Variants in MYEF2 observed in about 807,000 individuals in gnomAD.
MYEF2 encodes myelin expression factor 2, also known as myelin gene expression factor 2.
Under a neutral mutation model 75.2 loss-of-function variants are expected in MYEF2, and 37 were observed. That is an observed-to-expected ratio of 0.49 (90% CI 0.38 to 0.65). The LOEUF is 0.65. MYEF2 is among the 30% of genes least tolerant of loss of function. The probability of loss-of-function intolerance (pLI) is 0.00; values close to 1 mark genes in which losing one functional copy is unlikely to be tolerated. For missense variants in MYEF2, 634 were observed against 771.4 expected (o/e 0.82, Z 2.11); for synonymous variants, 195 against 241.6 (o/e 0.81, Z 1.79).
intron 1 of MYEF2, among the ~76,000 whole-genome samples, chr15:48,175,105 C>G (rs991487971): frequency 6.6e-5 from 10 of 152,110 alleles, no homozygotes; most frequent in Admixed American, 5.9e-4. Flanking sequence ...TTACACAACA[C>G]ATCCACACTG....
chr15:48,152,377 G>A, intron 10 of MYEF2, 93 bp from the exon 11 acceptor site: 2 of 1,052,144 alleles, frequency 1.9e-6, no homozygotes, highest in Non-Finnish European at 2.9e-6. Context: ...GATACCACTG[G>A]TATAACCACA....
intron 1 of MYEF2, among the ~76,000 whole-genome samples, chr15:48,170,825 C>A (rs2040308083): frequency 6.6e-6 from 1 of 152,186 alleles, no homozygotes; most frequent in South Asian, 2.1e-4. Flanking sequence ...ACGGTGACTG[C>A]ATATAACATT....
At chr15:48,151,439 A>T in intron 13 of MYEF2, 34 bp downstream of exon 13, 1 of 1,578,434 alleles carries the variant, frequency 6.3e-7, no homozygotes, top group Admixed American at 1.7e-5. Context: ...TATAGCCTAC[A>T]AAAAGAAAAG....
rs1465030290 is a variant in MYEF2 at position 48,159,754 on chromosome 15, T to C, written c.576A>G (p.Ser192=). 6.2e-7 allele frequency: 1 copy of C among 1,613,486 alleles called. No homozygotes were observed. The highest frequency in any genetic ancestry group is 8.5e-7 in the Non-Finnish European group (1 of 1,179,752). The part of the protein sequence containing the change: ...ARRALQRTGG[S]FPGGHVPDMG... Reference sequence around the variant, plus strand: ...TATCAGGGACGTGTCCTCCTGGAAATGATCCTCCTGTTCGCTGCAATGCCC... The same window carrying C: ...TATCAGGGACGTGTCCTCCTGGAAACGATCCTCCTGTTCGCTGCAATGCCC... The change falls in exon 6 of 17, where the codon TCA becomes TCG. Residue 192 remains serine, a synonymous_variant. Coordinates refer to ENST00000324324, the MANE Select transcript of MYEF2 (RefSeq NM_016132.5).
rs1476827348 is a variant in MYEF2, at chr15:48,168,857, T to C, written c.162-18A>G. 1.3e-6 allele frequency: 2 copies of C among 1,579,280 alleles called. No individual in the cohort carries two copies. The highest frequency in any genetic ancestry group is 4.5e-5 in the East Asian group (2 of 44,620). On this transcript the variant is annotated intron_variant, in intron 1 of 16. Transcript: ENST00000324324. ...CATTCTCCCTGTGAATTAAAAAAAG[T>C]CAAACAAACAAAAACCCTCAGTTGT...
At chr15:48,167,494 A>G in intron 2 of MYEF2, 93 bp from the exon 3 acceptor site, 2 of 1,109,022 alleles carry the variant, frequency 1.8e-6, no homozygotes, top group South Asian at 1.4e-5. Context: ...AACTCTACAG[A>G]GAAGCACCTA....
At chr15:48,173,701 T>A (rs1419039362) in intron 1 of MYEF2, among the ~76,000 whole-genome samples, 1 of 152,022 alleles carries the variant, frequency 6.6e-6, no homozygotes, top group African/African-American at 2.4e-5. Flanking sequence ...ATCTACACAC[T>A]AATAATAATG....
intron 16 of MYEF2, among the ~76,000 whole-genome samples, chr15:48,146,611 C>T (rs2039292529): frequency 6.6e-6 from 1 of 151,878 alleles, no homozygotes; most frequent in African/African-American, 2.4e-5. Context: ...TTGCCAGTGG[C>T]ACCCTTTACT....
At chr15:48,160,561 TA>T (rs1313062191) in intron 5 of MYEF2, among the ~76,000 whole-genome samples, 25 of 145,872 alleles carry the variant, frequency 1.7e-4, no homozygotes, top group Admixed American at 8.2e-4. Context: ...GGTGGAATAC[TA>T]AAAAACAAAA....
At position 48,142,339 on chromosome 15, in the gene MYEF2, C is replaced by T. The variant is rs2052885744; in HGVS notation, c.*569G>A. ...TTATTGGAAATAATAAAATAAGGGG[C>T]TGTGGAGGTTGATATTATTAATAGT... On this transcript the variant is annotated 3_prime_UTR_variant, in exon 17 of 17. Transcript: ENST00000324324. 1.9e-6 allele frequency: 3 copies of T among 1,595,428 alleles called. No individual in the cohort carries two copies. Among genetic ancestry groups the T allele is most frequent in the African/African-American group, 1.4e-5 (1 of 73,950 alleles).
intron 16 of MYEF2, among the ~76,000 whole-genome samples, chr15:48,148,317 A>G (rs2039367389): frequency 6.6e-6 from 1 of 152,034 alleles, no homozygotes; most frequent in Non-Finnish European, 1.5e-5. Context: ...GAATTTAGTC[A>G]ATTAAGATAT....
chr15:48,177,997 G>C (rs1458353448), intron 1 of MYEF2, 80 bp downstream of exon 1: 1 of 1,510,950 alleles, frequency 6.6e-7, no homozygotes, highest in African/African-American at 1.4e-5. Context: ...GTCCCCCATC[G>C]GGGCACAGCC....
intron 1 of MYEF2, among the ~76,000 whole-genome samples, chr15:48,173,093 C>G (rs1246682882): frequency 6.6e-6 from 1 of 152,118 alleles, no homozygotes; most frequent in Non-Finnish European, 1.5e-5. Context: ...TGTGAAAATT[C>G]TCAACAAAAT....
At position 48,139,044 on chromosome 15, in the gene MYEF2, C is replaced by A; in HGVS notation, c.*3864G>T. ...TGGGTATTATCCCTTCCTATTATTA[C>A]ATTACTTTTTCTAACCACACCAGAT... On this transcript the variant is annotated 3_prime_UTR_variant, in exon 17 of 17. Transcript: ENST00000324324. 1 of 1,613,024 alleles carries A rather than the reference C, an allele frequency of 6.2e-7. No individual in the cohort carries two copies. Among genetic ancestry groups the A allele is most frequent in the Non-Finnish European group, 8.5e-7 (1 of 1,179,260 alleles).
In MYEF2 at chr15:48,140,897, A is replaced by G; in HGVS notation, c.*2011T>C. 4.6e-6 allele frequency: 2 copies of G among 434,208 alleles called. No individual in the cohort carries two copies. The highest frequency in any genetic ancestry group is 5.0e-5 in the South Asian group (2 of 40,010). The allele number at this position is 434,208 out of a possible 1,614,324, so 26.9% of individuals were successfully genotyped here. A position where few individuals can be genotyped will look rare whatever the true frequency, so the allele number is the denominator to read the frequency against. On this transcript the variant is annotated 3_prime_UTR_variant, in exon 17 of 17. Coordinates refer to ENST00000324324, the MANE Select transcript of MYEF2 (RefSeq NM_016132.5). ...AATTTTAGCTGTTACGTATCTTTAG[A>G]TATGTCATTAAAAATCTGTGCTACC... is the stretch of plus-strand genomic sequence containing the variant.
rs916240176 is a variant in MYEF2, at chr15:48,137,747, C to A, written c.*5161G>T. ...TTAATCTTGACTGAGAAAATGGGAA[C>A]AGCACTTATTAAAACTGGGAACTCA... On this transcript the variant is annotated 3_prime_UTR_variant, in exon 17 of 17. Coordinates refer to ENST00000324324, the MANE Select transcript of MYEF2 (RefSeq NM_016132.5). 1.8e-4 allele frequency: 27 copies of A among 151,956 alleles called. No homozygotes were observed. The highest frequency in any genetic ancestry group is 6.5e-4 in the African/African-American group (27 of 41,392). The allele number at this position is 151,956 out of a possible 1,614,324, so 9.4% of individuals were successfully genotyped here.
chr15:48,138,183 C>G lies in MYEF2; in HGVS notation c.*4725G>C, dbSNP rs966899781. On this transcript the variant is annotated 3_prime_UTR_variant, in exon 17 of 17. Coordinates refer to ENST00000324324, the MANE Select transcript of MYEF2 (RefSeq NM_016132.5). ...GGCACATTGGTTGAAGCTTGGCAAA[C>G]TTTTTATGAGTTGTTGTACTAACAT... is the stretch of plus-strand genomic sequence containing the variant. 1.3e-5 allele frequency: 2 copies of G among 151,964 alleles called. No homozygotes were observed. The highest frequency in any genetic ancestry group is 2.4e-5 in the African/African-American group (1 of 41,418). The allele number at this position is 151,964 out of a possible 1,614,324, so 9.4% of individuals were successfully genotyped here.
chr15:48,151,676 T>C (rs1297642951), intron 12 of MYEF2, 105 bp from the exon 13 acceptor site: 2 of 1,250,154 alleles, frequency 1.6e-6, no homozygotes, highest in East Asian at 4.6e-5. Flanking sequence ...GTCACAAATA[T>C]AAAATAGTCT....
intron 1 of MYEF2, among the ~76,000 whole-genome samples, chr15:48,174,787 T>C (rs1415944721): frequency 1.3e-5 from 2 of 152,062 alleles, no homozygotes; most frequent in East Asian, 1.9e-4. Context: ...AGTCAAAAGA[T>C]AGCAACTGTT....
Sources: gnomAD v4.1 joint callset for allele counts (sites outside exome capture counted in the v4.1 genomes callset) on GRCh38, gnomAD v4.1.1 for gene constraint, MANE v1.5 for transcripts, NCBI Gene and HGNC (gene_info 2026-07-23, HGNC 2026-07-21) for gene names.